TENM1: variants seen among roughly 807,000 people sequenced by gnomAD.
TENM1 encodes the protein teneurin transmembrane protein 1.
In TENM1, 35 loss-of-function variants were observed where a neutral mutation model predicts 174.8. The observed-to-expected ratio is 0.20, with a 90% CI of 0.15 to 0.27. The LOEUF (loss-of-function observed/expected upper bound fraction) is 0.27. Ranked by LOEUF, TENM1 falls within the 10% of genes least tolerant of loss-of-function variation. The pLI is 1.00. For missense variants in TENM1, 1,633 were observed against 2,130.1 expected, an observed-to-expected ratio of 0.77 and a Z score of 4.59; for synonymous variants, 781 against 798.7, an observed-to-expected ratio of 0.98 and a Z score of 0.37.
At chrX:124,867,217 G>A (rs1455470297) in intron 3 of TENM1, among the ~76,000 whole-genome samples, 3 of 111,517 alleles carry the variant, frequency 2.7e-5, no homozygotes, top group Non-Finnish European at 3.8e-5. Context: ...TATTTCTGAT[G>A]AATATTGATG....
At chrX:124,892,051 G>T (rs2057485365) in intron 3 of TENM1, among the ~76,000 whole-genome samples, 1 of 111,376 alleles carries the variant, frequency 9.0e-6, no homozygotes, top group South Asian at 3.8e-4. Context: ...TAGTAATGTT[G>T]TTAGTAAGGT....
In TENM1 at chrX:124,460,218, C is replaced by T. The variant is rs144572943; in HGVS notation, c.3950-6727G>A. 2.8e-3 allele frequency among the ~76,000 whole-genome samples: 309 copies of T among 111,443 alleles called. 1 individual carries two copies. The highest frequency in any genetic ancestry group is 9.1e-3 in the African/African-American group (280 of 30,660). ...AGAAATACCATTGGACCCAGCAGTC[C>T]CCTTACTGGGTATATACTCAAAGGA... is the stretch of plus-strand genomic sequence containing the variant. On this transcript the variant is annotated intron_variant, in intron 22 of 31. Transcript: ENST00000422452.
chrX:125,099,577 C>T, the TENM1 span, among the ~76,000 whole-genome samples: 1 of 111,979 alleles, frequency 8.9e-6, no homozygotes, highest in African/African-American at 3.2e-5. Flanking sequence ...CACTACACCT[C>T]AGAAACCAAG....
At chrX:125,050,382 A>G in the TENM1 span, among the ~76,000 whole-genome samples, 4 of 109,175 alleles carry the variant, frequency 3.7e-5, no homozygotes, top group African/African-American at 1.0e-4. Flanking sequence ...TCACTGTTCA[A>G]TTCCTACCTA....
At chrX:124,500,872 T>C (rs779070958) in intron 19 of TENM1, among the ~76,000 whole-genome samples, 1 of 111,766 alleles carries the variant, frequency 8.9e-6, no homozygotes, top group African/African-American at 3.2e-5. Context: ...ACACAACACA[T>C]ATTTCTCTTA....
chrX:124,911,290 G>A (rs963177381), intron 1 of TENM1, among the ~76,000 whole-genome samples: 3 of 111,430 alleles, frequency 2.7e-5, no homozygotes, highest in Admixed American at 9.6e-5. Flanking sequence ...AAGCACTCAC[G>A]GAGCACCTAT....
intron 6 of TENM1, among the ~76,000 whole-genome samples, chrX:124,668,815 G>A (rs944439938): frequency 3.6e-5 from 4 of 111,787 alleles, no homozygotes; most frequent in Admixed American, 9.5e-5. Flanking sequence ...AAACCCGCAC[G>A]TTGTGCACAT....
chrX:125,047,126 A>G, the TENM1 span, among the ~76,000 whole-genome samples: 7 of 111,413 alleles, frequency 6.3e-5, no homozygotes, highest in Non-Finnish European at 1.3e-4. Context: ...TCTACACTCT[A>G]TTTTAGAATA....
At chrX:124,890,450 A>G (rs1033067791) in intron 3 of TENM1, among the ~76,000 whole-genome samples, 1 of 112,339 alleles carries the variant, frequency 8.9e-6, no homozygotes, top group African/African-American at 3.2e-5. Context: ...GATTAATACC[A>G]GAATGTATAA....
At chrX:125,101,060 T>C in the TENM1 span, among the ~76,000 whole-genome samples, 6 of 111,500 alleles carry the variant, frequency 5.4e-5, no homozygotes, top group African/African-American at 1.3e-4. Flanking sequence ...ATCCAGGTAA[T>C]GGTACCTAAT....
chrX:125,075,393 A>G, the TENM1 span, among the ~76,000 whole-genome samples: 1 of 111,748 alleles, frequency 8.9e-6, no homozygotes, highest in Non-Finnish European at 1.9e-5. Flanking sequence ...CCATCAGTTG[A>G]TGAACATTTG....
chrX:124,498,599 G>C (rs1288954621), intron 19 of TENM1, among the ~76,000 whole-genome samples: 1 of 108,465 alleles, frequency 9.2e-6, no homozygotes, highest in African/African-American at 3.4e-5. Context: ...CCATGCTATT[G>C]TCTTTATCTT....
the TENM1 span, among the ~76,000 whole-genome samples, chrX:125,190,598 G>T: frequency 9.0e-6 from 1 of 111,719 alleles, no homozygotes; most frequent in Admixed American, 9.5e-5. Flanking sequence ...AATAAAGTCA[G>T]AGAATAGTTG....
At chrX:125,021,693 G>A in the TENM1 span, among the ~76,000 whole-genome samples, 9 of 112,189 alleles carry the variant, frequency 8.0e-5, no homozygotes, top group African/African-American at 2.6e-4. Context: ...AAAGCAGTGT[G>A]TAAATGAACG....
chrX:124,768,311 A>G (rs899305153), intron 3 of TENM1, among the ~76,000 whole-genome samples: 1 of 111,782 alleles, frequency 8.9e-6, no homozygotes, highest in Non-Finnish European at 1.9e-5. Context: ...AGTTTGGGAG[A>G]TAAGTATTTT....
chrX:125,095,150 A>G, the TENM1 span, among the ~76,000 whole-genome samples: 1 of 112,018 alleles, frequency 8.9e-6, no homozygotes. Flanking sequence ...TTTCAGTCTC[A>G]GAACTTGAGC....
At chrX:124,449,511 TAG>T (rs910093674) in intron 23 of TENM1, among the ~76,000 whole-genome samples, 3 of 112,507 alleles carry the variant, frequency 2.7e-5, no homozygotes, top group Non-Finnish European at 5.6e-5. Context: ...AAAAGTTGTT[TAG>T]AGTTGACTGA....
At chrX:125,044,178 A>AG in the TENM1 span, among the ~76,000 whole-genome samples, 1 of 55,667 alleles carries the variant, frequency 1.8e-5, no homozygotes, top group African/African-American at 8.5e-5. Flanking sequence ...AATAATAAAA[A>AG]AAGGAAAAAA....
intron 30 of TENM1, among the ~76,000 whole-genome samples, 159 bp downstream of exon 33, chrX:124,383,475 C>T (rs191721894): frequency 8.3e-4 from 93 of 112,096 alleles, no homozygotes; most frequent in African/African-American, 2.9e-3. Flanking sequence ...GCACGTTTTG[C>T]TCACTCTAGA....
Sources: gnomAD v4.1 joint callset for allele counts (sites outside exome capture counted in the v4.1 genomes callset) on GRCh38, gnomAD v4.1.1 for gene constraint, MANE v1.5 for transcripts, NCBI Gene and HGNC (gene_info 2026-07-23, HGNC 2026-07-21) for gene names.